SCARF2: variants seen among roughly 807,000 people sequenced by gnomAD.
The protein encoded by SCARF2 is scavenger receptor expressed by endothelial cells 2 protein.
A neutral mutation model predicts 73.4 loss-of-function variants in SCARF2; 39 were observed. That is an observed-to-expected ratio of 0.53 (90% CI 0.41 to 0.69). The LOEUF (loss-of-function observed/expected upper bound fraction) is 0.69, where lower values mean the gene tolerates loss of function less well. SCARF2 is among the 30% of genes least tolerant of loss of function. SCARF2 has a pLI of 0.00. For missense variants in SCARF2, 1,148 were observed against 1,303.5 expected (o/e 0.88, Z 1.84); for synonymous variants, 605 against 590.0 (o/e 1.03, Z -0.37).
chr22:20,436,939 G>A (rs569656576), intron 1 of SCARF2, among the ~76,000 whole-genome samples: 1 of 152,246 alleles, frequency 6.6e-6, no homozygotes, highest in South Asian at 2.1e-4. Flanking sequence ...GCCCCTTCTT[G>A]CACCCAGAAT....
chr22:20,432,139 G>C (rs2052657017), intron 1 of SCARF2, 151 bp from the exon 2 acceptor site: 2 of 822,418 alleles, frequency 2.4e-6, no homozygotes, highest in Non-Finnish European at 4.0e-6. Context: ...CCAGGCAGTC[G>C]TCTGGCGGTG....
In SCARF2 at chr22:20,430,568, G is replaced by T; in HGVS notation, c.1074-11C>A. 6.2e-7 allele frequency: 1 copy of T among 1,612,044 alleles called. No homozygotes were observed. The highest frequency in any genetic ancestry group is 8.5e-7 in the Non-Finnish European group (1 of 1,179,386). On this transcript the variant is annotated splice_polypyrimidine_tract_variant and intron_variant, in intron 5 of 10. Transcript: ENST00000622235. ...CACTTGGTCTCGCACCTTGGAAAGA[G>T]GGGAGGAGGCGTCAGCAGAAATGGA...
Position 20,425,247 on chromosome 22 carries a change from C to G in SCARF2, c.*128G>C. The G allele has an allele frequency of 2.6e-6, 2 of 773,564 alleles. No individual in the cohort carries two copies. The allele number at this position is 773,564 out of a possible 1,614,324, so 47.9% of individuals were successfully genotyped here. ...GGCTGCAGGACCTGAGCCAATGAGACGCAACCTCCGCTAGCCGCGCGGTGC... is the reference window on the plus strand; with the variant it reads ...GGCTGCAGGACCTGAGCCAATGAGAGGCAACCTCCGCTAGCCGCGCGGTGC... On this transcript the variant is annotated 3_prime_UTR_variant, in exon 11 of 11. Coordinates refer to ENST00000622235, the MANE Select transcript of SCARF2 (RefSeq NM_182895.5). This position sits in a 1 kb window ranked among gnomAD's most constrained non-coding sequence, Gnocchi z 4.6.
At position 20,429,662 on chromosome 22, in the gene SCARF2, G is replaced by T. The variant is rs991426224; in HGVS notation, c.1307-9C>A. 1.9e-6 allele frequency: 3 copies of T among 1,614,008 alleles called. No individual in the cohort carries two copies. The East Asian group carries it at 6.7e-5, about 36-fold the overall frequency. ...CTTGCGCTGGTTGGTTTCTGTAGGGGGTTATGGGGTCAGCGCGGTTTCTGG... is the reference window on the plus strand; with the variant it reads ...CTTGCGCTGGTTGGTTTCTGTAGGGTGTTATGGGGTCAGCGCGGTTTCTGG... On this transcript the variant is annotated splice_polypyrimidine_tract_variant and intron_variant, in intron 7 of 10. Transcript: ENST00000622235. This position sits in a 1 kb window ranked among gnomAD's most constrained non-coding sequence, Gnocchi z 5.2.
In SCARF2 at chr22:20,425,613, A is replaced by C; in HGVS notation, c.2363T>G (p.Leu788Arg). 7.5e-7 allele frequency: 1 copy of C among 1,324,692 alleles called. No homozygotes were observed. The highest frequency in any genetic ancestry group is 9.6e-7 in the Non-Finnish European group (1 of 1,039,806). 82.1% of individuals were successfully genotyped at this position (1,324,692 alleles called of 1,614,324 possible). ...CTTTTCCCTGGGGCCCTGCGCGCCC[A>C]GGGCCACCTCGGCGCGGCCCAGGCT... ...TRSLGRAEVALGAQGPREKPA... is the reference protein window; with the variant it reads ...TRSLGRAEVARGAQGPREKPA... The change falls in exon 11 of 11, where the codon CTG (leucine) becomes CGG (arginine). Residue 788 changes from leucine to arginine, a missense_variant. By Grantham distance (102) the Leu-to-Arg change is moderately radical. Transcript: ENST00000622235. The surrounding 1 kb of genome is among the most constrained non-coding windows in gnomAD (Gnocchi z 4.6).
rs1319679389 is a variant in SCARF2, at chr22:20,427,512, A to C, written c.1579T>G (p.Phe527Val). The C allele has an allele frequency of 1.9e-6, 3 of 1,613,892 alleles. No individual in the cohort carries two copies. The highest frequency in any genetic ancestry group is 2.5e-6 in the Non-Finnish European group (3 of 1,180,004). The change falls in exon 10 of 11, where the codon TTC (phenylalanine) becomes GTC (valine). Residue 527 changes from phenylalanine (F) to valine (V), a missense_variant. Transcript: ENST00000622235. ...HDLDNTLNCS[F>V]LEPPSGLEQP... ...TCCAGCCCTGAGGGTGGCTCCAGGAAGCTGCAGTTGAGTGTGTTATCCAGG... is the reference window on the plus strand; with the variant it reads ...TCCAGCCCTGAGGGTGGCTCCAGGACGCTGCAGTTGAGTGTGTTATCCAGG...
At chr22:20,431,704 T>C (rs1438914804) in intron 3 of SCARF2, 41 bp downstream of exon 3, 2 of 1,432,338 alleles carry the variant, frequency 1.4e-6, no homozygotes, top group Non-Finnish European at 1.9e-6. Flanking sequence ...CTCTCCAGGA[T>C]TCCGCCCCAC....
Position 20,429,358 on chromosome 22 carries a change from G to T in SCARF2, c.1425-18C>A. ...AAAGCTCCCTGCGGGGGCGGGGTCT[G>T]AGCGGAGGGGCGGGGCCGGGGCGGG... is the stretch of plus-strand genomic sequence containing the variant. On this transcript the variant is annotated intron_variant, in intron 8 of 10. Coordinates refer to ENST00000622235, the MANE Select transcript of SCARF2 (RefSeq NM_182895.5). This position sits in a 1 kb window ranked among gnomAD's most constrained non-coding sequence, Gnocchi z 5.2. 1.3e-6 allele frequency: 2 copies of T among 1,594,182 alleles called. No homozygotes were observed. The highest frequency in any genetic ancestry group is 1.8e-4 in the Middle Eastern group (1 of 5,662).
In SCARF2 at chr22:20,429,374, C is replaced by T. The variant is rs753908704; in HGVS notation, c.1425-34G>A. 3 of 1,507,974 alleles carry T rather than the reference C, an allele frequency of 2.0e-6. No homozygotes were observed. In the African/African-American group the frequency reaches 4.1e-5, roughly 21 times the overall value. 93.4% of individuals were successfully genotyped at this position (1,507,974 alleles called of 1,614,324 possible). A position where few individuals can be genotyped will look rare whatever the true frequency, so the allele number is the denominator to read the frequency against. On this transcript the variant is annotated intron_variant, in intron 8 of 10. Coordinates refer to ENST00000622235, the MANE Select transcript of SCARF2 (RefSeq NM_182895.5). This position sits in a 1 kb window ranked among gnomAD's most constrained non-coding sequence, Gnocchi z 5.2. Reference sequence around the variant, plus strand: ...GCGGGGTCTGAGCGGAGGGGCGGGGCCGGGGCGGGGCCCAGGGGCGATTAG... The same window carrying T: ...GCGGGGTCTGAGCGGAGGGGCGGGGTCGGGGCGGGGCCCAGGGGCGATTAG...
At position 20,437,715 on chromosome 22, in the gene SCARF2, G is replaced by C. The variant is rs2052718489; in HGVS notation, c.40C>G (p.Arg14Gly). Residue 14 changes from arginine (R) to glycine (G), a missense_variant, in exon 1 of 11, where the codon CGC becomes GGC. Arg to Gly is a moderately radical substitution (Grantham distance 125, BLOSUM62 -2). This residue lies in a region of SCARF2 where 124 missense variants were observed against 120.4 expected (regional missense o/e 1.03). Transcript: ENST00000622235. ...AGPRGAGPAR[R>G]RGAGGPPSPL... ...GACGGCGGCCCCCCGGCTCCCCGGC[G>C]CCGCGCCGGCCCGGCCCCCCGGGGC... 2 of 1,363,870 alleles carry C rather than the reference G, an allele frequency of 1.5e-6. No homozygotes were observed. Among genetic ancestry groups the C allele is most frequent in the Non-Finnish European group, 1.9e-6 (2 of 1,065,282 alleles). The allele number at this position is 1,363,870 out of a possible 1,614,324, so 84.5% of individuals were successfully genotyped here.
chr22:20,425,968 C>T lies in SCARF2; in HGVS notation c.2008G>A (p.Gly670Ser), dbSNP rs751535844. The T allele has an allele frequency of 3.1e-6, 5 of 1,594,368 alleles. No individual in the cohort carries two copies. In the East Asian group the frequency reaches 9.2e-5, roughly 29 times the overall value. The change falls in exon 11 of 11, where the codon GGC becomes AGC. Residue 670 changes from glycine (G) to serine (S), a missense_variant. Gly to Ser is a moderately conservative substitution (Grantham distance 56). This residue lies in a region of SCARF2 where 437 missense variants were observed against 433.6 expected (regional missense o/e 1.01). Transcript: ENST00000622235. The surrounding 1 kb of genome is among the most constrained non-coding windows in gnomAD (Gnocchi z 4.6). ...CCAGCTGCAGCGGCGCTGTGCTTGC[C>T]GTGGATCCAGGACACCTTAGGCTTG... ...ATKPKVSWIH[G>S]KHSAAAAGRA...
rs997347585 is a variant in SCARF2 at position 20,431,436 on chromosome 22, G to A, written c.436C>T (p.Arg146Trp). ...DVTGQCTCHA[R>W]RWGARCEHAC... ...TGCTCGCAGCGCGCGCCCCAGCGCC[G>A]CGCGTGACAAGTACACTGGCCTGTC... The change falls in exon 4 of 11, where the codon CGG (arginine) becomes TGG (tryptophan). Residue 146 changes from arginine (R) to tryptophan (W), a missense_variant. By Grantham distance (101) the Arg-to-Trp change is moderately radical. This residue lies in a region of SCARF2 where 372 missense variants were observed against 532.0 expected (regional missense o/e 0.70). Transcript: ENST00000622235. 1 of 1,548,598 alleles carries A rather than the reference G, an allele frequency of 6.5e-7. No homozygotes were observed. Among genetic ancestry groups the A allele is most frequent in the Non-Finnish European group, 8.7e-7 (1 of 1,154,942 alleles).
At position 20,426,125 on chromosome 22, in the gene SCARF2, C is replaced by T; in HGVS notation, c.1851G>A (p.Gly617=). 2 of 1,468,756 alleles carry T rather than the reference C, an allele frequency of 1.4e-6. No homozygotes were observed. The highest frequency in any genetic ancestry group is 2.6e-5 in the East Asian group (1 of 38,210). The allele number at this position is 1,468,756 out of a possible 1,614,324, so 91.0% of individuals were successfully genotyped here. ...DSERSASSVE[G]PGGALYARVA... ...CGCGCGCGTACAGAGCCCCTCCGGG[C>T]CCCTCCACGCTGGACGCCGACCGCT... The change falls in exon 11 of 11, where the codon GGG becomes GGA. Residue 617 remains glycine (G), a synonymous_variant. Transcript: ENST00000622235.
Position 20,431,373 on chromosome 22 carries a change from T to C in SCARF2, c.499A>G (p.Ser167Gly). 6.6e-7 allele frequency: 1 copy of C among 1,518,142 alleles called. No individual in the cohort carries two copies. The highest frequency in any genetic ancestry group is 8.8e-7 in the Non-Finnish European group (1 of 1,139,974). The allele number at this position is 1,518,142 out of a possible 1,614,324, so 94.0% of individuals were successfully genotyped here. A position where few individuals can be genotyped will look rare whatever the true frequency, so the allele number is the denominator to read the frequency against. ...CCGGGCTCACAGCGGCACGCGCCGC[T>C]CCGCGGGTGGCACGTGCCGTGCTGG... ...QCQHGTCHPR[S>G]GACRCEPGWW... Residue 167 changes from serine to glycine, a missense_variant, in exon 4 of 11, where the codon AGC becomes GGC. Coordinates refer to ENST00000622235, the MANE Select transcript of SCARF2 (RefSeq NM_182895.5).
Position 20,426,124 on chromosome 22 carries a change from G to C in SCARF2, c.1852C>G (p.Pro618Ala). Residue 618 changes from proline to alanine, a missense_variant, in exon 11 of 11, where the codon CCC becomes GCC. By Grantham distance (27) the Pro-to-Ala change is conservative. Transcript: ENST00000622235. Reference sequence around the variant, plus strand: ...ACGCGCGCGTACAGAGCCCCTCCGGGCCCCTCCACGCTGGACGCCGACCGC... The same window carrying C: ...ACGCGCGCGTACAGAGCCCCTCCGGCCCCCTCCACGCTGGACGCCGACCGC... ...SERSASSVEG[P>A]GGALYARVAR... is the part of the protein sequence containing the mutation. 1 of 1,468,910 alleles carries C rather than the reference G, an allele frequency of 6.8e-7. No homozygotes were observed. Among genetic ancestry groups the C allele is most frequent in the South Asian group, 1.4e-5 (1 of 73,462 alleles). 91.0% of individuals were successfully genotyped at this position (1,468,910 alleles called of 1,614,324 possible).
Position 20,425,366 on chromosome 22 carries a change from C to A in SCARF2, c.*9G>T, listed in dbSNP as rs779875853. ...CTGAGGGAGCTGCGCGCGGACGAGC[C>A]ACAGCCTGCTACAGGGTGGGTGCGC... On this transcript the variant is annotated 3_prime_UTR_variant, in exon 11 of 11. Transcript: ENST00000622235. This position sits in a 1 kb window ranked among gnomAD's most constrained non-coding sequence, Gnocchi z 4.6. 6.4e-6 allele frequency: 9 copies of A among 1,410,272 alleles called. No homozygotes were observed. In the South Asian group the frequency reaches 1.2e-4, roughly 18 times the overall value. 87.4% of individuals were successfully genotyped at this position (1,410,272 alleles called of 1,614,324 possible). A position where few individuals can be genotyped will look rare whatever the true frequency, so the allele number is the denominator to read the frequency against.
chr22:20,432,139 G>T, intron 1 of SCARF2, 151 bp from the exon 2 acceptor site: 1 of 822,418 alleles, frequency 1.2e-6, no homozygotes. Flanking sequence ...CCAGGCAGTC[G>T]TCTGGCGGTG....
In SCARF2 at chr22:20,426,024, C is replaced by T. The variant is rs770528412; in HGVS notation, c.1952G>A (p.Arg651His). 8 of 1,579,772 alleles carry T rather than the reference C, an allele frequency of 5.1e-6. No individual in the cohort carries two copies. Among genetic ancestry groups the T allele is most frequent in the South Asian group, 1.1e-5 (1 of 88,544 alleles). ...GGLSLSPSPE[R>H]RKPPPPDPAT... is the part of the protein sequence containing the mutation. ...GGGGTCAGGTGGCGGCGGTTTCCTG[C>T]GCTCGGGCGATGGCGACAGCGACAG... is the stretch of plus-strand genomic sequence containing the variant. Residue 651 changes from arginine to histidine, a missense_variant, in exon 11 of 11, where the codon CGC becomes CAC. Coordinates refer to ENST00000622235, the MANE Select transcript of SCARF2 (RefSeq NM_182895.5).
In SCARF2 at chr22:20,437,770, CGCGGGGCGGGCACGGGCGCGGGT is replaced by C; in HGVS notation, c.-39_-17del. ...CGCCCTCCATGAGGCGCGGGGCAGG[CGCGGGGCGGGCACGGGCGCGGGT>C]GCGGCCGCAGCGAGAGCGGCCGGAA... On this transcript the variant is annotated 5_prime_UTR_variant, in exon 1 of 11. Coordinates refer to ENST00000622235, the MANE Select transcript of SCARF2 (RefSeq NM_182895.5). 1.0e-6 allele frequency: 1 copy of C among 979,412 alleles called. No individual in the cohort carries two copies. Among genetic ancestry groups the C allele is most frequent in the Admixed American group, 6.1e-5 (1 of 16,342 alleles). The allele number at this position is 979,412 out of a possible 1,614,324, so 60.7% of individuals were successfully genotyped here.
Sources: allele counts gnomAD v4.1 joint callset (sites outside exome capture counted in the v4.1 genomes callset), GRCh38; gene constraint gnomAD v4.1.1; regional missense constraint gnomAD v4.1.1; non-coding constraint Gnocchi (gnomAD v3.1); transcripts MANE v1.5; gene names NCBI Gene and HGNC (gene_info 2026-07-23, HGNC 2026-07-21).